QTGAL: variants seen among roughly 807,000 people sequenced by gnomAD.
QTGAL encodes the protein queuosine-tRNA galactosyltransferase, also known as BGnT-like protein 1.
At chr17:82,942,757 C>T in the QTGAL span, 3 of 521,542 alleles carry the variant, frequency 5.8e-6, no homozygotes, top group East Asian at 1.0e-4. Flanking sequence ...TGGAAAGGCT[C>T]ACTGCCCAGG....
At chr17:82,991,681 A>C in the QTGAL span, among the ~76,000 whole-genome samples, 1 of 152,204 alleles carries the variant, frequency 6.6e-6, no homozygotes, top group Non-Finnish European at 1.5e-5. Context: ...CATCAAGACC[A>C]TCCTGGAAAA....
At chr17:83,014,631 C>T in the QTGAL span, 1 of 1,216,708 alleles carries the variant, frequency 8.2e-7, no homozygotes, top group Non-Finnish European at 1.2e-6. Context: ...TCATAGCTCA[C>T]TGCAGCCTCA....
At chr17:83,038,090 A>G in the QTGAL span, among the ~76,000 whole-genome samples, 115 of 152,302 alleles carry the variant, frequency 7.6e-4, no homozygotes, top group South Asian at 1.9e-3. Flanking sequence ...ATGAATCGTA[A>G]TAAGTGAATC....
chr17:83,038,886 GT>G, the QTGAL span, among the ~76,000 whole-genome samples: 1 of 127,146 alleles, frequency 7.9e-6, no homozygotes, highest in Admixed American at 7.9e-5. Context: ...ATTAAAAGAT[GT>G]TTATAGTAGT....
the QTGAL span, among the ~76,000 whole-genome samples, chr17:82,992,846 T>C: frequency 6.6e-6 from 1 of 152,190 alleles, no homozygotes; most frequent in Admixed American, 6.5e-5. Flanking sequence ...TTTTATTAGT[T>C]TTCTTTTTGC....
chr17:83,044,680 A>C, the QTGAL span, among the ~76,000 whole-genome samples: 1 of 152,238 alleles, frequency 6.6e-6, no homozygotes, highest in Non-Finnish European at 1.5e-5. Flanking sequence ...GCGGCGGCTC[A>C]CGCCTGTCAT....
the QTGAL span, among the ~76,000 whole-genome samples, chr17:83,030,585 T>C: frequency 3.5e-4 from 53 of 152,280 alleles, no homozygotes; most frequent in Non-Finnish European, 1.6e-4. Context: ...GGATCGGCAG[T>C]GAGGATGAGA....
At chr17:82,955,449 T>C in the QTGAL span, among the ~76,000 whole-genome samples, 1 of 152,180 alleles carries the variant, frequency 6.6e-6, no homozygotes, top group Non-Finnish European at 1.5e-5. Context: ...CATGATGAGA[T>C]ACCATCTCAC....
chr17:83,050,609 T>A, the QTGAL span, among the ~76,000 whole-genome samples: 1 of 152,226 alleles, frequency 6.6e-6, no homozygotes, highest in African/African-American at 2.4e-5. Context: ...GAAAACATGC[T>A]GAGCCTTTGG....
chr17:82,950,998 G>C, the QTGAL span, among the ~76,000 whole-genome samples: 1 of 152,152 alleles, frequency 6.6e-6, no homozygotes, highest in East Asian at 1.9e-4. Context: ...CCCATTTATG[G>C]CTGAGGTTGC....
At chr17:83,006,337 C>G in the QTGAL span, 2 of 985,444 alleles carry the variant, frequency 2.0e-6, no homozygotes, top group Non-Finnish European at 2.4e-6. This position sits in a 1 kb window ranked among gnomAD's most constrained non-coding sequence, Gnocchi z 5.8. Flanking sequence ...TAATGACGTG[C>G]TTGGGGGAGG....
chr17:82,996,143 A>G, the QTGAL span, among the ~76,000 whole-genome samples: 1 of 152,260 alleles, frequency 6.6e-6, no homozygotes, highest in Admixed American at 6.5e-5. Context: ...TCGAAGAACG[A>G]CTATTGTTAA....
chr17:82,974,943 C>T, the QTGAL span, among the ~76,000 whole-genome samples: 1 of 141,364 alleles, frequency 7.1e-6, no homozygotes, highest in Non-Finnish European at 1.5e-5. Context: ...AGCCGGACTC[C>T]ATCCTCCCAG....
the QTGAL span, among the ~76,000 whole-genome samples, chr17:82,980,184 T>TA: frequency 2.0e-5 from 3 of 152,230 alleles, no homozygotes; most frequent in South Asian, 6.2e-4. Context: ...CAAAGCATAT[T>TA]AAAAAAATAC....
At chr17:82,962,956 C>T in the QTGAL span, among the ~76,000 whole-genome samples, 1 of 152,120 alleles carries the variant, frequency 6.6e-6, no homozygotes. Flanking sequence ...CCCGAAATGG[C>T]CTCACTCCTC....
At chr17:82,986,163 G>A in the QTGAL span, among the ~76,000 whole-genome samples, 3 of 152,224 alleles carry the variant, frequency 2.0e-5, no homozygotes, top group Admixed American at 6.5e-5. Flanking sequence ...ACTCACAAAG[G>A]TGACTTTGTG....
the QTGAL span, among the ~76,000 whole-genome samples, chr17:82,992,004 TAGTC>T: frequency 9.9e-5 from 15 of 152,044 alleles, no homozygotes; most frequent in Non-Finnish European, 1.3e-4. Context: ...TGAAAATACA[TAGTC>T]AGAGAAGACA....
At chr17:82,964,915 C>CG in the QTGAL span, among the ~76,000 whole-genome samples, 6 of 82,878 alleles carry the variant, frequency 7.2e-5, no homozygotes, top group African/African-American at 1.4e-4. Context: ...TGCACCCCCA[C>CG]GGGAGGACGG....
At chr17:83,049,374 T>C in the QTGAL span, among the ~76,000 whole-genome samples, 2 of 151,812 alleles carry the variant, frequency 1.3e-5, no homozygotes, top group Non-Finnish European at 2.9e-5. Context: ...AACAAGTATC[T>C]GGGTATCTTC....
Sources: gnomAD v4.1 joint callset for allele counts (sites outside exome capture counted in the v4.1 genomes callset) on GRCh38, gnomAD v4.1.1 for gene constraint, Gnocchi (gnomAD v3.1) non-coding constraint, MANE v1.5 for transcripts, NCBI Gene and HGNC (gene_info 2026-07-23, HGNC 2026-07-21) for gene names.